Variants in CARD9 observed in about 807,000 individuals in gnomAD.
CARD9 encodes the protein caspase recruitment domain family member 9.
CARD9 carries 53 observed loss-of-function variants against 66.0 expected under a neutral mutation model. That is an observed-to-expected ratio of 0.80 (90% CI 0.64 to 1.01). CARD9 has a LOEUF of 1.01. Ranked by LOEUF, CARD9 falls within the 50% of genes least tolerant of loss-of-function variation. The probability of loss-of-function intolerance (pLI) is 0.00; values close to 1 mark genes in which losing one functional copy is unlikely to be tolerated. For missense variants in CARD9, 769 were observed against 743.2 expected (o/e 1.03, Z -0.40); for synonymous variants, 387 against 313.8 (o/e 1.23, Z -2.47).
chr9:136,367,278 G>T (rs1215430666), intron 8 of CARD9, 21 bp from the exon 9 acceptor site: 1 of 1,612,156 alleles, frequency 6.2e-7, no homozygotes. Flanking sequence ...AGAAAATGGG[G>T]TGGGTGGGCT....
intron 9 of CARD9, 150 bp from the exon 10 acceptor site, chr9:136,366,995 A>AG (rs1171671566): frequency 1.8e-6 from 2 of 1,084,596 alleles, no homozygotes; most frequent in Non-Finnish European, 2.8e-6. Context: ...GGTGCCCAGC[A>AG]GACGGACATT....
Position 136,365,185 on chromosome 9 carries a change from G to C in CARD9, c.1390C>G (p.Pro464Ala). The part of the protein sequence containing the change: ...CLAGGGSPKQ[P>A]FAALHQEQVL... ...TGCTCCTGGTGCAGAGCTGCAAAGG[G>C]CTGTTTCGGGCTCCCCCCGCCGGCA... is the stretch of plus-strand genomic sequence containing the variant. The change falls in exon 11 of 13, where the codon CCC (proline) becomes GCC (alanine). Residue 464 changes from proline (P) to alanine (A), a missense_variant. Coordinates refer to ENST00000371732, the MANE Select transcript of CARD9 (RefSeq NM_052813.5). 1 of 1,610,702 alleles carries C rather than the reference G, an allele frequency of 6.2e-7. No homozygotes were observed. The highest frequency in any genetic ancestry group is 1.1e-5 in the South Asian group (1 of 91,014).
intron 11 of CARD9, chr9:136,364,764 C>G (rs910989783): frequency 4.9e-6 from 3 of 617,596 alleles, no homozygotes; most frequent in East Asian, 5.5e-5. Context: ...TTTCAGATGC[C>G]AAGACACACC....
At chr9:136,370,041 G>A (rs947089259) in intron 6 of CARD9, 166 bp from the exon 7 acceptor site, 52 of 1,420,592 alleles carry the variant, frequency 3.7e-5, no homozygotes, top group East Asian at 2.5e-4. Flanking sequence ...TCCAGACCGC[G>A]GCAGGACAGG....
intron 9 of CARD9, 30 bp from the exon 10 acceptor site, chr9:136,366,875 G>A (rs778191946): frequency 3.1e-6 from 5 of 1,612,416 alleles, no homozygotes; most frequent in African/African-American, 1.3e-5. Context: ...TGTCCCATTA[G>A]GCCACTTCGC....
In CARD9 at chr9:136,364,233, G is replaced by T. The variant is rs1038252502; in HGVS notation, c.*69C>A. The T allele has an allele frequency of 1.9e-6, 3 of 1,550,374 alleles. No homozygotes were observed. In the African/African-American group the frequency reaches 4.1e-5, roughly 21 times the overall value. The stretch of plus-strand genomic sequence containing the variant: ...CTCGGGGAAGTCTGCGCCCCAGGGC[G>T]TCGGCACCCCCGGGTGGCAGGAGGC... On this transcript the variant is annotated 3_prime_UTR_variant, in exon 13 of 13. Coordinates refer to ENST00000371732, the MANE Select transcript of CARD9 (RefSeq NM_052813.5).
intron 8 of CARD9, 51 bp from the exon 9 acceptor site, chr9:136,367,308 C>T: frequency 3.1e-6 from 5 of 1,592,854 alleles, no homozygotes; most frequent in Non-Finnish European, 4.3e-6. Context: ...GAGGGCTCCC[C>T]AGGCACAGGG....
In CARD9 at chr9:136,371,376, C is replaced by T; in HGVS notation, c.270G>A (p.Leu90=). 3 of 1,600,104 alleles carry T rather than the reference C, an allele frequency of 1.9e-6. No individual in the cohort carries two copies. Among genetic ancestry groups the T allele is most frequent in the South Asian group, 1.1e-5 (1 of 89,056 alleles). Residue 90 remains leucine, a synonymous_variant, in exon 3 of 13, where the codon CTG becomes CTA. Transcript: ENST00000371732. ...LESLELYYPQ[L]YKKVTGKEPA... is the part of the protein sequence containing the mutation. ...GCTCCTTGCCTGTGACCTTCTTGTACAGCTGCGGGTAGTAGAGCTCCAGGC... is the reference window on the plus strand; with the variant it reads ...GCTCCTTGCCTGTGACCTTCTTGTATAGCTGCGGGTAGTAGAGCTCCAGGC...
intron 3 of CARD9, 85 bp downstream of exon 3, chr9:136,371,239 G>A: frequency 6.3e-7 from 1 of 1,582,170 alleles, no homozygotes; most frequent in Non-Finnish European, 8.6e-7. Flanking sequence ...GGCTCCTAGG[G>A]ATGGGGGCCA....
rs778054631 is a variant in CARD9, at chr9:136,364,621, C to T, written c.1435-62G>A. 246 of 1,475,316 alleles carry T rather than the reference C, an allele frequency of 1.7e-4. 1 individual carries two copies. The highest frequency in any genetic ancestry group is 2.2e-4 in the Non-Finnish European group (238 of 1,098,984). 91.4% of individuals were successfully genotyped at this position (1,475,316 alleles called of 1,614,324 possible). On this transcript the variant is annotated intron_variant, in intron 11 of 12. Transcript: ENST00000371732. ...CCCTGAGGGAACCCGTCCTTCTCACCCGCCCCCCACTGGCCCCTGTAACTG... is the reference window on the plus strand; with the variant it reads ...CCCTGAGGGAACCCGTCCTTCTCACTCGCCCCCCACTGGCCCCTGTAACTG...
chr9:136,365,490 G>C (rs1370780507), intron 10 of CARD9: 1 of 551,200 alleles, frequency 1.8e-6, no homozygotes, highest in East Asian at 3.1e-5. Context: ...CTGCCTGCCA[G>C]GGAGGAACGC....
chr9:136,368,107 G>C (rs1335232404), intron 7 of CARD9: 3 of 1,177,334 alleles, frequency 2.5e-6, no homozygotes, highest in Non-Finnish European at 3.3e-6. Flanking sequence ...GTGCACATTT[G>C]ATAAATTTTG....
Position 136,363,973 on chromosome 9 carries a change from GTTTA to G in CARD9, c.*325_*328del, listed in dbSNP as rs975419052. ...AGCGGGAATGCGGGTCACCCGTGCT[GTTTA>G]TTTACGCAGCTGTGTTTTCTAACAC... is the stretch of plus-strand genomic sequence containing the variant. On this transcript the variant is annotated 3_prime_UTR_variant, in exon 13 of 13. Coordinates refer to ENST00000371732, the MANE Select transcript of CARD9 (RefSeq NM_052813.5). 1.8e-4 allele frequency: 206 copies of G among 1,134,908 alleles called. No homozygotes were observed. In the East Asian group the frequency reaches 4.3e-3, roughly 24 times the overall value. 70.3% of individuals were successfully genotyped at this position (1,134,908 alleles called of 1,614,324 possible).
Position 136,369,858 on chromosome 9 carries a change from C to T in CARD9, c.969G>A (p.Glu323=), listed in dbSNP as rs374601657. 5 of 1,612,480 alleles carry T rather than the reference C, an allele frequency of 3.1e-6. No individual in the cohort carries two copies. The highest frequency in any genetic ancestry group is 2.7e-5 in the African/African-American group (2 of 74,948). The change falls in exon 7 of 13, where the codon GAG becomes GAA. Residue 323 remains glutamate (E), a synonymous_variant. Coordinates refer to ENST00000371732, the MANE Select transcript of CARD9 (RefSeq NM_052813.5). The part of the protein sequence containing the change: ...ARRLRCMEEK[E]MFELQCLALR... ...GTGCCAGGCACTGCAGCTCGAACAT[C>T]TCCTTCTCCTCCATGCACTGCAGGG...
chr9:136,367,232 G>A lies in CARD9; in HGVS notation c.1295C>T (p.Pro432Leu), dbSNP rs757521707. The A allele has an allele frequency of 6.2e-7, 1 of 1,612,822 alleles. No homozygotes were observed. The change falls in exon 9 of 13, where the codon CCC becomes CTC. Residue 432 changes from proline (P) to leucine (L), a missense_variant. Coordinates refer to ENST00000371732, the MANE Select transcript of CARD9 (RefSeq NM_052813.5). ...VLSSDLEDGS[P>L]RRSQELSLPQ... ...CTCACTCACCTCCTGGGACCTCCTG[G>A]GTGAGCCATCTTCCAGGTCGGAGCT...
In CARD9 at chr9:136,367,625, C is replaced by T. The variant is rs558475431; in HGVS notation, c.1269+12G>A. On this transcript the variant is annotated intron_variant, in intron 8 of 12. Coordinates refer to ENST00000371732, the MANE Select transcript of CARD9 (RefSeq NM_052813.5). ...CGCCGGCTCCCCTCCCTGCCGCAGGCCCCAGGCCCACCAGGACGAGCGTCT... is the reference window on the plus strand; with the variant it reads ...CGCCGGCTCCCCTCCCTGCCGCAGGTCCCAGGCCCACCAGGACGAGCGTCT... 6.4e-7 allele frequency: 1 copy of T among 1,572,156 alleles called. No individual in the cohort carries two copies. The highest frequency in any genetic ancestry group is 8.6e-7 in the Non-Finnish European group (1 of 1,165,234).
chr9:136,368,093 A>G (rs1833170894), intron 7 of CARD9: 1 of 1,247,378 alleles, frequency 8.0e-7, no homozygotes, highest in East Asian at 2.9e-5. Flanking sequence ...ATGTACCCCC[A>G]CACGTGCACA....
intron 11 of CARD9, 60 bp downstream of exon 11, chr9:136,365,081 C>A: frequency 6.4e-7 from 1 of 1,554,414 alleles, no homozygotes. Flanking sequence ...AGCCACTCTC[C>A]CTGTGATCGG....
chr9:136,368,088 C>A, intron 7 of CARD9: 1 of 1,272,484 alleles, frequency 7.9e-7, no homozygotes, highest in Non-Finnish European at 1.0e-6. Context: ...GTGCTATGTA[C>A]CCCCACACGT....
Sources: gnomAD v4.1 joint callset for allele counts on GRCh38, gnomAD v4.1.1 for gene constraint, MANE v1.5 for transcripts, NCBI Gene and HGNC (gene_info 2026-07-23, HGNC 2026-07-21) for gene names.